Variants in AK5 observed in about 807,000 individuals in gnomAD.
The protein encoded by AK5 is adenylate kinase 5.
A neutral mutation model predicts 69.5 loss-of-function variants in AK5; 27 were observed. That is an observed-to-expected ratio of 0.39 (90% confidence interval 0.29 to 0.54). The LOEUF is 0.54. Among genes scored for constraint, AK5 ranks in the 20% least tolerant of loss-of-function variants. AK5 has a pLI of 0.71. For synonymous variants in AK5, 260 were observed against 244.4 expected, an observed-to-expected ratio of 1.06 and a Z score of -0.60; for missense variants, 531 against 700.4, an observed-to-expected ratio of 0.76 and a Z score of 2.73.
intron 13 of AK5, among the ~76,000 whole-genome samples, chr1:77,555,169 T>A (rs1430682485): frequency 3.3e-5 from 5 of 152,018 alleles, no homozygotes; most frequent in Admixed American, 3.3e-4. Context: ...TCCCAGCTAC[T>A]CGGGAGGCTG....
At chr1:77,395,775 G>A (rs919029492) in intron 6 of AK5, among the ~76,000 whole-genome samples, 28 of 152,194 alleles carry the variant, frequency 1.8e-4, no homozygotes, top group Admixed American at 6.5e-5. Flanking sequence ...AACAGGTTTC[G>A]ATGGGATGAG....
chr1:77,295,407 A>C (rs1658938311), intron 3 of AK5, among the ~76,000 whole-genome samples: 3 of 152,256 alleles, frequency 2.0e-5, no homozygotes, highest in Admixed American at 2.0e-4. Context: ...ATCTACCTTG[A>C]ATTGTTAAAA....
chr1:77,471,320 A>C (rs75048005), intron 8 of AK5, among the ~76,000 whole-genome samples: 1 of 152,188 alleles, frequency 6.6e-6, no homozygotes, highest in Non-Finnish European at 1.5e-5. Context: ...AGATCTGTCA[A>C]ATGGGGATAA....
intron 6 of AK5, among the ~76,000 whole-genome samples, chr1:77,381,744 A>G (rs944992942): frequency 2.6e-5 from 4 of 152,168 alleles, no homozygotes; most frequent in Non-Finnish European, 5.9e-5. Flanking sequence ...TTCTCCTACT[A>G]TTACCCACTA....
At chr1:77,363,846 G>A (rs1036057585) in intron 6 of AK5, among the ~76,000 whole-genome samples, 1 of 152,072 alleles carries the variant, frequency 6.6e-6, no homozygotes, top group Admixed American at 6.6e-5. Flanking sequence ...CCACACTCCT[G>A]ATCCTTCCTA....
At chr1:77,361,121 A>G (rs1297022696) in intron 6 of AK5, among the ~76,000 whole-genome samples, 3 of 152,140 alleles carry the variant, frequency 2.0e-5, no homozygotes, top group East Asian at 1.9e-4. Context: ...TGGCTCTTCT[A>G]TTCTACCTTT....
At chr1:77,403,355 T>G (rs375697544) in intron 6 of AK5, among the ~76,000 whole-genome samples, 3 of 151,938 alleles carry the variant, frequency 2.0e-5, no homozygotes, top group African/African-American at 7.3e-5. Flanking sequence ...GGTGTTTTAG[T>G]CATGAAGTCC....
intron 13 of AK5, among the ~76,000 whole-genome samples, chr1:77,537,746 G>T (rs1043769335): frequency 6.6e-6 from 1 of 152,160 alleles, no homozygotes; most frequent in Non-Finnish European, 1.5e-5. Flanking sequence ...TCTGTTAATG[G>T]TCCGCTTTCC....
At chr1:77,512,810 T>C (rs1363915289) in intron 10 of AK5, among the ~76,000 whole-genome samples, 1 of 152,106 alleles carries the variant, frequency 6.6e-6, no homozygotes, top group African/African-American at 2.4e-5. Context: ...GTGGCACATA[T>C]ACACCATGGA....
chr1:77,379,069 T>A (rs1229336604), intron 6 of AK5, among the ~76,000 whole-genome samples: 2 of 152,172 alleles, frequency 1.3e-5, no homozygotes, highest in Non-Finnish European at 2.9e-5. Context: ...CCCACAGTTT[T>A]GTGGCCAGAA....
chr1:77,498,306 T>C (rs531082676), intron 10 of AK5, among the ~76,000 whole-genome samples: 87 of 152,206 alleles, frequency 5.7e-4, no homozygotes, highest in African/African-American at 2.0e-3. Context: ...TACGGGTGAC[T>C]AGGAAGTAAG....
intron 8 of AK5, among the ~76,000 whole-genome samples, chr1:77,429,335 C>T (rs1477654118): frequency 6.6e-6 from 1 of 152,184 alleles, no homozygotes; most frequent in Non-Finnish European, 1.5e-5. Flanking sequence ...TTTTGATTTT[C>T]ATTTCTCCAA....
At chr1:77,476,544 C>T (rs1277228203) in intron 8 of AK5, among the ~76,000 whole-genome samples, 2 of 152,284 alleles carry the variant, frequency 1.3e-5, no homozygotes, top group East Asian at 1.9e-4. Flanking sequence ...AATCCATCTT[C>T]GTTTCTATTC....
At chr1:77,338,113 C>T (rs575356993) in intron 5 of AK5, among the ~76,000 whole-genome samples, 1 of 152,036 alleles carries the variant, frequency 6.6e-6, no homozygotes, top group Admixed American at 6.5e-5. Flanking sequence ...TACAGGCACA[C>T]GCCATCGCAC....
At chr1:77,341,025 A>C (rs1433911565) in intron 6 of AK5, 2 of 153,024 alleles carry the variant, frequency 1.3e-5, no homozygotes. Context: ...CTGACTTCAC[A>C]GAAAAAGTTT....
chr1:77,547,566 C>G (rs970623867), intron 13 of AK5, among the ~76,000 whole-genome samples: 14 of 152,046 alleles, frequency 9.2e-5, no homozygotes, highest in Non-Finnish European at 1.5e-5. Context: ...GCCACTGTAC[C>G]CAGCCATAAA....
intron 6 of AK5, among the ~76,000 whole-genome samples, chr1:77,402,238 C>T (rs17098287): frequency 0.12 from 17,860 of 151,974 alleles, 1,150 homozygotes; most frequent in Middle Eastern, 0.14. Flanking sequence ...CTCCTGCTAC[C>T]CTTTGTATTT....
rs1404440476 is a variant in AK5, at chr1:77,297,737, G to A, written c.585+9G>A. 1 of 1,608,502 alleles carries A rather than the reference G, an allele frequency of 6.2e-7. No homozygotes were observed. Among genetic ancestry groups the A allele is most frequent in the Non-Finnish European group, 8.5e-7 (1 of 1,178,260 alleles). ...GAGAATTGGCCCCACAGGTACTGCT[G>A]TATAATTATCTTTTATTCTGCAAAA... is the stretch of plus-strand genomic sequence containing the variant. On this transcript the variant is annotated intron_variant, in intron 4 of 13. Coordinates refer to ENST00000354567, the MANE Select transcript of AK5 (RefSeq NM_174858.3).
At chr1:77,467,303 T>C (rs979561522) in intron 8 of AK5, among the ~76,000 whole-genome samples, 2 of 152,190 alleles carry the variant, frequency 1.3e-5, no homozygotes, top group Non-Finnish European at 2.9e-5. Flanking sequence ...TAGTTTCTCC[T>C]TCATGGGTTT....
Sources: allele counts gnomAD v4.1 joint callset (sites outside exome capture counted in the v4.1 genomes callset), GRCh38; gene constraint gnomAD v4.1.1; transcripts MANE v1.5; gene names NCBI Gene and HGNC (gene_info 2026-07-23, HGNC 2026-07-21).